The following JPH1 variants were observed in gnomAD, a reference collection of about 807,000 sequenced individuals.
JPH1 encodes junctophilin 1.
In JPH1, 12 loss-of-function variants were observed where a neutral mutation model predicts 53.6. The observed-to-expected ratio is 0.22, with a 90% CI of 0.14 to 0.36. The LOEUF (loss-of-function observed/expected upper bound fraction) is 0.36, where lower values mean the gene tolerates loss of function less well. Among genes scored for constraint, JPH1 ranks in the 10% least tolerant of loss-of-function variants. The pLI is 1.00. For missense variants in JPH1, 808 were observed against 905.5 expected, an observed-to-expected ratio of 0.89 and a Z score of 1.38; for synonymous variants, 375 against 363.8, an observed-to-expected ratio of 1.03 and a Z score of -0.35.
chr8:74,294,957 G>A (rs1273517513), intron 2 of JPH1, among the ~76,000 whole-genome samples: 1 of 152,194 alleles, frequency 6.6e-6, no homozygotes. Context: ...GCAGGGCCAG[G>A]GTCTAAACGA....
At position 74,259,403 on chromosome 8, in the gene JPH1, G is replaced by A. The variant is rs1184973017; in HGVS notation, c.1240C>T (p.Pro414Ser). Residue 414 changes from proline to serine, a missense_variant, in exon 3 of 6, where the codon CCT becomes TCT. Around this residue, in one of 2 missense-constraint regions of JPH1, gnomAD observed 756 missense variants for 811.9 expected, o/e 0.93. Transcript: ENST00000342232. The part of the protein sequence containing the change: ...IARAVARELS[P>S]DFYQPGPDYV... ...GTTTTACCTGGTTGGTAGAAATCAG[G>A]TGACAGCTCCCTGGCCACAGCTCTC... The A allele has an allele frequency of 2.5e-6, 4 of 1,613,700 alleles. No individual in the cohort carries two copies. Among genetic ancestry groups the A allele is most frequent in the Admixed American group, 1.7e-5 (1 of 60,014 alleles).
At chr8:74,272,755 C>T (rs1470773895) in intron 2 of JPH1, among the ~76,000 whole-genome samples, 4 of 152,196 alleles carry the variant, frequency 2.6e-5, no homozygotes, top group African/African-American at 9.6e-5. Context: ...AGGCGCGCGC[C>T]ACCATGCCCG....
intron 2 of JPH1, among the ~76,000 whole-genome samples, chr8:74,289,030 A>G (rs1045850956): frequency 3.9e-5 from 6 of 152,204 alleles, no homozygotes; most frequent in African/African-American, 1.4e-4. Context: ...GGGCTCACCC[A>G]TCTGTGAAGG....
At chr8:74,306,017 G>GT (rs111774967) in intron 2 of JPH1, among the ~76,000 whole-genome samples, 8,518 of 151,906 alleles carry the variant, frequency 0.056, 794 homozygotes, top group African/African-American at 0.19. Flanking sequence ...GTTTTGTTTT[G>GT]TTTTGTTTTA....
chr8:74,281,956 T>A (rs190511767), intron 2 of JPH1, among the ~76,000 whole-genome samples: 4 of 152,330 alleles, frequency 2.6e-5, no homozygotes, highest in Non-Finnish European at 4.4e-5. Context: ...GGAAACACGC[T>A]TAAGAAGCTG....
At chr8:74,261,168 G>A (rs145038804) in intron 2 of JPH1, among the ~76,000 whole-genome samples, 6 of 152,132 alleles carry the variant, frequency 3.9e-5, no homozygotes, top group African/African-American at 1.2e-4. Context: ...ATACTGTAGT[G>A]GGGGACATTA....
chr8:74,272,168 T>C lies in JPH1; in HGVS notation c.1140-12665A>G, dbSNP rs568372015. Among the ~76,000 whole-genome samples, 7 of 152,302 alleles carry C rather than the reference T, an allele frequency of 4.6e-5. No homozygotes were observed. In the South Asian group the frequency reaches 1.4e-3, roughly 32 times the overall value. On this transcript the variant is annotated intron_variant, in intron 2 of 5. Coordinates refer to ENST00000342232, the MANE Select transcript of JPH1 (RefSeq NM_020647.4). ...TCAACCCTGGCTGTCTCCCCTGAAA[T>C]TTTTTCATTGCTGTCCAAATCCTCA...
chr8:74,296,707 T>C (rs1208195266), intron 2 of JPH1, among the ~76,000 whole-genome samples: 1 of 152,236 alleles, frequency 6.6e-6, no homozygotes, highest in Non-Finnish European at 1.5e-5. Context: ...CATTTTTTTC[T>C]ACCAAGAAAT....
At chr8:74,280,121 A>G (rs1248382511) in intron 2 of JPH1, among the ~76,000 whole-genome samples, 1 of 152,216 alleles carries the variant, frequency 6.6e-6, no homozygotes, top group Non-Finnish European at 1.5e-5. Context: ...CAGCAATGAA[A>G]TCTGTAGTAA....
rs955870377 is a variant in JPH1 at position 74,250,815 on chromosome 8, C to T, written c.1259-5640G>A. Among the ~76,000 whole-genome samples, 5 of 152,140 alleles carry T rather than the reference C, an allele frequency of 3.3e-5. No homozygotes were observed. The East Asian group carries it at 9.6e-4, about 29-fold the overall frequency. ...AAGCAGAGCCATCCCTTGGGGCAGA[C>T]TCACATTACCAAAGCTCACCAGACT... On this transcript the variant is annotated intron_variant, in intron 3 of 5. Transcript: ENST00000342232.
chr8:74,289,534 C>T (rs1010947236), intron 2 of JPH1, among the ~76,000 whole-genome samples: 3 of 152,104 alleles, frequency 2.0e-5, no homozygotes, highest in East Asian at 1.9e-4. Context: ...TGTATTGGTG[C>T]CCTTTTCTCA....
chr8:74,314,609 T>C (rs1173119731), intron 2 of JPH1, among the ~76,000 whole-genome samples: 1 of 152,136 alleles, frequency 6.6e-6, no homozygotes, highest in African/African-American at 2.4e-5. Flanking sequence ...CGCTGTTAAA[T>C]ATGAGGGAAG....
At chr8:74,281,163 CT>C (rs1428796762) in intron 2 of JPH1, among the ~76,000 whole-genome samples, 1 of 152,186 alleles carries the variant, frequency 6.6e-6, no homozygotes, top group African/African-American at 2.4e-5. Flanking sequence ...ACAACTTAAA[CT>C]TTTGTATTTA....
chr8:74,276,249 T>C (rs1563407549), intron 2 of JPH1, among the ~76,000 whole-genome samples: 1 of 152,132 alleles, frequency 6.6e-6, no homozygotes, highest in Non-Finnish European at 1.5e-5. Flanking sequence ...TCGTGACAGA[T>C]GGAACAGGTC....
intron 2 of JPH1, among the ~76,000 whole-genome samples, chr8:74,278,812 C>A (rs1017099952): frequency 6.6e-6 from 1 of 152,138 alleles, no homozygotes; most frequent in Admixed American, 6.5e-5. Flanking sequence ...GGATTTGGGT[C>A]CTGTTCTGCC....
At position 74,284,477 on chromosome 8, in the gene JPH1, G is replaced by A. The variant is rs1468432792; in HGVS notation, c.1140-24974C>T. 5.3e-5 allele frequency among the ~76,000 whole-genome samples: 8 copies of A among 152,102 alleles called. No individual in the cohort carries two copies. In the South Asian group the frequency reaches 1.5e-3, roughly 28 times the overall value. On this transcript the variant is annotated intron_variant, in intron 2 of 5. Transcript: ENST00000342232. ...AGTCAGACTTCTCTGCTGAAACACC[G>A]GTGCACGGTGACAACTGTGCATGCT...
At chr8:74,301,367 C>T (rs879820239) in intron 2 of JPH1, among the ~76,000 whole-genome samples, 4 of 152,200 alleles carry the variant, frequency 2.6e-5, no homozygotes, top group Admixed American at 1.3e-4. Context: ...CATATCCTCC[C>T]GATGCACTTT....
intron 2 of JPH1, among the ~76,000 whole-genome samples, chr8:74,259,893 G>A (rs528654803): frequency 3.3e-5 from 5 of 152,260 alleles, no homozygotes; most frequent in South Asian, 4.1e-4. Flanking sequence ...TCATTTCTAC[G>A]GTACAATCAA....
At chr8:74,287,305 G>A (rs1807194805) in intron 2 of JPH1, among the ~76,000 whole-genome samples, 1 of 151,936 alleles carries the variant, frequency 6.6e-6, no homozygotes, top group South Asian at 2.1e-4. Flanking sequence ...ATGCGTGCCT[G>A]TAAACACAGC....
Sources: gnomAD v4.1 joint callset for allele counts (sites outside exome capture counted in the v4.1 genomes callset) on GRCh38, gnomAD v4.1.1 for gene constraint, gnomAD v4.1.1 regional missense constraint, MANE v1.5 for transcripts, NCBI Gene and HGNC (gene_info 2026-07-23, HGNC 2026-07-21) for gene names.